Variants in EXOC6B observed in about 807,000 individuals in gnomAD.
EXOC6B encodes SEC15 homolog B.
In EXOC6B, 54 loss-of-function variants were observed where a neutral mutation model predicts 113.5. The observed-to-expected ratio is 0.48, with a 90% confidence interval of 0.38 to 0.60. EXOC6B has a LOEUF of 0.60. Ranked by LOEUF, EXOC6B falls within the 20% of genes least tolerant of loss-of-function variation. The probability of loss-of-function intolerance (pLI) is 0.00; values close to 1 mark genes in which losing one functional copy is unlikely to be tolerated. For synonymous variants in EXOC6B, 357 were observed against 339.0 expected (o/e 1.05, Z -0.58); for missense variants, 797 against 977.5 (o/e 0.82, Z 2.46).
chr2:72,699,647 T>C (rs963440077), intron 6 of EXOC6B, among the ~76,000 whole-genome samples: 1 of 152,142 alleles, frequency 6.6e-6, no homozygotes, highest in African/African-American at 2.4e-5. Flanking sequence ...TGCTTTCTTA[T>C]ATGGTTTATT....
intron 19 of EXOC6B, among the ~76,000 whole-genome samples, chr2:72,338,970 C>CATAT (rs1688866693): frequency 2.3e-5 from 2 of 87,750 alleles, no homozygotes; most frequent in Non-Finnish European, 5.2e-5. Flanking sequence ...CACATACATA[C>CATAT]ACATACACAT....
chr2:72,213,918 C>G (rs1435325761), intron 20 of EXOC6B, among the ~76,000 whole-genome samples: 4 of 151,994 alleles, frequency 2.6e-5, no homozygotes, highest in East Asian at 3.9e-4. Context: ...TCTAGGCTAC[C>G]CAGTTTATGA....
At chr2:72,624,782 T>C (rs1671949475) in intron 6 of EXOC6B, among the ~76,000 whole-genome samples, 1 of 152,090 alleles carries the variant, frequency 6.6e-6, no homozygotes, top group Non-Finnish European at 1.5e-5. Context: ...AAAAAGCATT[T>C]ATATAGTACC....
intron 20 of EXOC6B, among the ~76,000 whole-genome samples, chr2:72,308,915 T>C (rs1687040465): frequency 6.6e-6 from 1 of 152,118 alleles, no homozygotes; most frequent in Non-Finnish European, 1.5e-5. Context: ...ATGATGACTA[T>C]AAATGTCTAG....
At chr2:72,218,438 A>C (rs1680668012) in intron 20 of EXOC6B, among the ~76,000 whole-genome samples, 1 of 152,184 alleles carries the variant, frequency 6.6e-6, no homozygotes, top group African/African-American at 2.4e-5. Context: ...GTGTGTGTGC[A>C]TGTGTGCATA....
intron 18 of EXOC6B, among the ~76,000 whole-genome samples, chr2:72,407,905 G>A (rs1475085653): frequency 2.6e-5 from 4 of 152,166 alleles, no homozygotes; most frequent in African/African-American, 9.7e-5. Flanking sequence ...TATTCAATGA[G>A]GAAAAGAGGA....
At chr2:72,684,746 G>T (rs1277260491) in intron 6 of EXOC6B, among the ~76,000 whole-genome samples, 2 of 152,142 alleles carry the variant, frequency 1.3e-5, no homozygotes, top group Admixed American at 1.3e-4. Context: ...TTTATATGAA[G>T]TTCTACAATA....
In EXOC6B at chr2:72,313,795, T is replaced by G. The variant is rs548203757; in HGVS notation, c.2196+21152A>C. On this transcript the variant is annotated intron_variant, in intron 20 of 21. Transcript: ENST00000272427. ...ATGAAATTTTTAAAAAAATCACATT[T>G]TGAGGAGTCAGTTGTCCTATCTGGG... 4.6e-5 allele frequency among the ~76,000 whole-genome samples: 7 copies of G among 152,320 alleles called. No individual in the cohort carries two copies. The South Asian group carries it at 1.4e-3, about 32-fold the overall frequency.
intron 20 of EXOC6B, among the ~76,000 whole-genome samples, chr2:72,187,921 C>T (rs1377574432): frequency 1.3e-5 from 2 of 152,208 alleles, no homozygotes; most frequent in Non-Finnish European, 2.9e-5. Context: ...GCAGCACTGA[C>T]AACAGGGAGA....
chr2:72,768,905 G>A (rs1683257698), intron 1 of EXOC6B, among the ~76,000 whole-genome samples: 1 of 152,032 alleles, frequency 6.6e-6, no homozygotes, highest in African/African-American at 2.4e-5. Flanking sequence ...TTGAAGCCAG[G>A]AGGTCAAGAC....
At chr2:72,423,137 G>A (rs7603535) in intron 18 of EXOC6B, among the ~76,000 whole-genome samples, 29,818 of 151,240 alleles carry the variant, frequency 0.2, 5,293 homozygotes, top group African/African-American at 0.49. Context: ...GTGAGACCAC[G>A]AGCCCACCGG....
At chr2:72,562,897 T>C (rs1209955061) in intron 7 of EXOC6B, among the ~76,000 whole-genome samples, 1 of 152,194 alleles carries the variant, frequency 6.6e-6, no homozygotes, top group Non-Finnish European at 1.5e-5. Context: ...TATTCAAGAT[T>C]ATCCTGCTTT....
In EXOC6B at chr2:72,651,557, C is replaced by A. The variant is rs544926923; in HGVS notation, c.669+66546G>T. On this transcript the variant is annotated intron_variant, in intron 6 of 21. Coordinates refer to ENST00000272427, the MANE Select transcript of EXOC6B (RefSeq NM_015189.3). ...TTCAGCCATTAAAACAGCAAAACTGCAATTACTTTCACACCATCCTAATAC... is the reference window on the plus strand; with the variant it reads ...TTCAGCCATTAAAACAGCAAAACTGAAATTACTTTCACACCATCCTAATAC... Among the ~76,000 whole-genome samples the A allele has an allele frequency of 7.2e-5, 11 of 152,276 alleles. 1 individual carries two copies. The highest frequency in any genetic ancestry group is 1.9e-4 in the African/African-American group (8 of 41,552).
chr2:72,472,271 G>A (rs1039135524), intron 17 of EXOC6B, among the ~76,000 whole-genome samples: 2 of 152,072 alleles, frequency 1.3e-5, no homozygotes, highest in Non-Finnish European at 2.9e-5. Flanking sequence ...TTTTGGAACA[G>A]TTTCAGGATT....
chr2:72,216,284 CT>C (rs1680524734), intron 20 of EXOC6B, among the ~76,000 whole-genome samples: 1 of 152,188 alleles, frequency 6.6e-6, no homozygotes, highest in South Asian at 2.1e-4. Context: ...ATTTATGCAT[CT>C]GACAAACATA....
chr2:72,742,544 T>G (rs1312881410), intron 1 of EXOC6B, among the ~76,000 whole-genome samples: 2 of 152,146 alleles, frequency 1.3e-5, no homozygotes, highest in African/African-American at 2.4e-5. Context: ...ACTTCCTCAC[T>G]TCTTTGCCTT....
chr2:72,379,864 C>A lies in EXOC6B; in HGVS notation c.1987G>T (p.Val663Leu). ...FAVFTHLPGK[V>L]AQTACMSACK... ...GCTGACATACACGCTGTCTGGGCCACCTTTCCCTGAAACACAAGAGTGTAA... is the reference window on the plus strand; with the variant it reads ...GCTGACATACACGCTGTCTGGGCCAACTTTCCCTGAAACACAAGAGTGTAA... The change falls in exon 19 of 22, where the codon GTG becomes TTG. Residue 663 changes from valine to leucine, a missense_variant. Val to Leu is a conservative substitution (Grantham distance 32, BLOSUM62 1). Transcript: ENST00000272427. The A allele has an allele frequency of 6.2e-7, 1 of 1,605,730 alleles. No individual in the cohort carries two copies. Among genetic ancestry groups the A allele is most frequent in the Non-Finnish European group, 8.5e-7 (1 of 1,175,686 alleles).
rs576486336 is a variant in EXOC6B, at chr2:72,385,816, C to T, written c.1981-5946G>A. Among the ~76,000 whole-genome samples the T allele has an allele frequency of 1.4e-3, 217 of 152,182 alleles. 2 individuals carry two copies. The highest frequency in any genetic ancestry group is 5.1e-3 in the African/African-American group (210 of 41,536). On this transcript the variant is annotated intron_variant, in intron 18 of 21. Coordinates refer to ENST00000272427, the MANE Select transcript of EXOC6B (RefSeq NM_015189.3). ...AAATTAAAACCACAATGAGATACCA[C>T]CTCTCATTTGTTACAATGAATATTA...
At chr2:72,193,260 G>A (rs185374420) in intron 20 of EXOC6B, among the ~76,000 whole-genome samples, 182 of 152,254 alleles carry the variant, frequency 1.2e-3, no homozygotes, top group Non-Finnish European at 2.2e-3. Flanking sequence ...GCAGCTGAGA[G>A]CAGATTAAGA....
Sources: gnomAD v4.1 joint callset for allele counts (sites outside exome capture counted in the v4.1 genomes callset) on GRCh38, gnomAD v4.1.1 for gene constraint, MANE v1.5 for transcripts, NCBI Gene and HGNC (gene_info 2026-07-23, HGNC 2026-07-21) for gene names.